PRKCH: variants seen among roughly 807,000 people sequenced by gnomAD.
PRKCH encodes the protein protein kinase C eta type.
A neutral mutation model predicts 82.5 loss-of-function variants in PRKCH; 28 were observed. The ratio of observed to expected loss-of-function variants is 0.34; its 90% CI spans 0.25 to 0.47. The LOEUF is 0.47. Among genes scored for constraint, PRKCH ranks in the 20% least tolerant of loss-of-function variants. PRKCH has a pLI of 1.00. For missense variants in PRKCH, 705 were observed against 881.8 expected, an observed-to-expected ratio of 0.80 and a Z score of 2.54; for synonymous variants, 322 against 327.4, an observed-to-expected ratio of 0.98 and a Z score of 0.18.
rs565374133 is a variant in PRKCH, at chr14:61,236,140, C to T, written c.-19+48472C>T. ...CTCCCAGCACTTTGGAAGGCCGAGG[C>T]GGGCAGATGACGTGAGGTCAGGAGT... On this transcript the variant is annotated intron_variant, in intron 1 of 3. Coordinates refer to the PRKCH transcript ENST00000555185. 1.1e-4 allele frequency among the ~76,000 whole-genome samples: 17 copies of T among 152,220 alleles called. No homozygotes were observed. The South Asian group carries it at 3.1e-3, about 28-fold the overall frequency.
intron 1 of PRKCH, among the ~76,000 whole-genome samples, chr14:61,189,502 A>ATCTCTCTC (rs34112120): frequency 2.7e-5 from 4 of 146,980 alleles, no homozygotes; most frequent in African/African-American, 7.5e-5. Context: ...CTGAAATGTT[A>ATCTCTCTC]TCTCTCTCTC....
chr14:61,205,170 C>T (rs1010237347), intron 1 of PRKCH, among the ~76,000 whole-genome samples: 6 of 152,196 alleles, frequency 3.9e-5, no homozygotes, highest in African/African-American at 1.4e-4. Flanking sequence ...GAAAGCAACT[C>T]GTCCGTGAGC....
intron 9 of PRKCH, among the ~76,000 whole-genome samples, chr14:61,462,663 A>G (rs1432629827): frequency 2.0e-5 from 3 of 152,244 alleles, no homozygotes; most frequent in Non-Finnish European, 4.4e-5. Flanking sequence ...CTTACTTTTT[A>G]GCTGCCCAGT....
At chr14:61,491,837 G>A (rs989863087) in intron 10 of PRKCH, among the ~76,000 whole-genome samples, 1 of 152,212 alleles carries the variant, frequency 6.6e-6, no homozygotes, top group Non-Finnish European at 1.5e-5. Context: ...ATACTCGCCA[G>A]TGGAGGGTAT....
chr14:61,375,152 C>T (rs1040803840), intron 1 of PRKCH, among the ~76,000 whole-genome samples: 1 of 152,036 alleles, frequency 6.6e-6, no homozygotes, highest in Non-Finnish European at 1.5e-5. Flanking sequence ...TAGGGCAGGG[C>T]CAAATGCCAC....
At chr14:61,307,686 G>T (rs1420891721) in intron 1 of PRKCH, among the ~76,000 whole-genome samples, 1 of 151,946 alleles carries the variant, frequency 6.6e-6, no homozygotes, top group Non-Finnish European at 1.5e-5. Context: ...TTACAATGCT[G>T]TTTTTTTGTT....
chr14:61,200,495 C>T (rs1167332407), intron 1 of PRKCH, among the ~76,000 whole-genome samples: 2 of 152,164 alleles, frequency 1.3e-5, no homozygotes, highest in East Asian at 1.9e-4. Flanking sequence ...CACATGGGAA[C>T]CAGGACTGGA....
At chr14:61,210,778 C>CTGTG (rs1453602088) in intron 1 of PRKCH, among the ~76,000 whole-genome samples, 1 of 118,066 alleles carries the variant, frequency 8.5e-6, no homozygotes, top group Admixed American at 8.2e-5. Flanking sequence ...CTCTCTCTCT[C>CTGTG]TCTCTCTCTC....
In PRKCH at chr14:61,280,707, G is replaced by T. The variant is rs2045252254; in HGVS notation, c.-19+93039G>T. 6.3e-7 allele frequency: 1 copy of T among 1,578,618 alleles called. No individual in the cohort carries two copies. The highest frequency in any genetic ancestry group is 8.6e-7 in the Non-Finnish European group (1 of 1,165,690). On this transcript the variant is annotated intron_variant, in intron 1 of 3. Transcript: ENST00000555185. This position sits in a 1 kb window ranked among gnomAD's most constrained non-coding sequence, Gnocchi z 5.0. ...CGGCCGCGCTGCGCTGGTAGGGGGC[G>T]CACTCGTTGACAGGGTGGCGCAGCG...
chr14:61,291,102 G>A (rs2045357168), intron 1 of PRKCH, among the ~76,000 whole-genome samples: 1 of 152,150 alleles, frequency 6.6e-6, no homozygotes, highest in African/African-American at 2.4e-5. Context: ...AGAGATTTTA[G>A]CCTGAACAAA....
intron 10 of PRKCH, among the ~76,000 whole-genome samples, chr14:61,512,020 A>G (rs1479045792): frequency 1.3e-5 from 2 of 152,150 alleles, no homozygotes; most frequent in African/African-American, 4.8e-5. Flanking sequence ...CAGATCTTGA[A>G]TTTTGGTAAA....
At chr14:61,310,763 CA>C (rs1434185152) in intron 1 of PRKCH, among the ~76,000 whole-genome samples, 1 of 152,260 alleles carries the variant, frequency 6.6e-6, no homozygotes, top group Non-Finnish European at 1.5e-5. Context: ...AGTGCCCTAG[CA>C]GAGGTTCTCC....
chr14:61,512,448 G>A (rs1357313162), intron 10 of PRKCH, among the ~76,000 whole-genome samples: 1 of 151,970 alleles, frequency 6.6e-6, no homozygotes, highest in Non-Finnish European at 1.5e-5. Flanking sequence ...AAAAATTTTT[G>A]ACTTACTGAC....
intron 1 of PRKCH, among the ~76,000 whole-genome samples, chr14:61,342,452 A>T (rs1044212004): frequency 6.6e-6 from 1 of 152,116 alleles, no homozygotes; most frequent in Non-Finnish European, 1.5e-5. Flanking sequence ...TTAATTAATT[A>T]TGGATTTTTA....
chr14:61,249,613 T>A (rs1421468109), intron 1 of PRKCH, among the ~76,000 whole-genome samples: 1 of 150,912 alleles, frequency 6.6e-6, no homozygotes, highest in African/African-American at 2.4e-5. Context: ...CAATGGCAAA[T>A]TTTTTTTTAT....
chr14:61,384,568 C>A (rs1001949846), intron 1 of PRKCH, among the ~76,000 whole-genome samples: 2 of 151,976 alleles, frequency 1.3e-5, no homozygotes, highest in African/African-American at 4.8e-5. Flanking sequence ...TATTACTCAG[C>A]CACAATGTGG....
chr14:61,541,561 A>G (rs994181336), intron 12 of PRKCH, among the ~76,000 whole-genome samples: 4 of 152,224 alleles, frequency 2.6e-5, no homozygotes, highest in Admixed American at 6.5e-5. Flanking sequence ...TAAGGTCTGA[A>G]ATTGAATGAA....
intron 1 of PRKCH, among the ~76,000 whole-genome samples, chr14:61,360,360 A>C (rs1240560260): frequency 6.6e-6 from 1 of 151,708 alleles, no homozygotes; most frequent in African/African-American, 2.4e-5. Context: ...TAAAAATTAG[A>C]CGGGCATGGT....
At chr14:61,505,390 CTTTTCTTTTTTTTTTTTTTTTTTT>C (rs1180823794) in intron 10 of PRKCH, among the ~76,000 whole-genome samples, 4 of 74,760 alleles carry the variant, frequency 5.4e-5, no homozygotes, top group South Asian at 1.0e-3. Flanking sequence ...CTTTTCTTTT[CTTTTCTTTTTTTTTTTTTTTTTTT>C]TTTTTTTTTT....
Sources: gnomAD v4.1 joint callset for allele counts (sites outside exome capture counted in the v4.1 genomes callset) on GRCh38, gnomAD v4.1.1 for gene constraint, Gnocchi (gnomAD v3.1) non-coding constraint, MANE v1.5 for transcripts, NCBI Gene and HGNC (gene_info 2026-07-23, HGNC 2026-07-21) for gene names.